The following CYP2J2 variants were observed in gnomAD, a reference collection of about 807,000 sequenced individuals.
The protein encoded by CYP2J2 is cytochrome P450 family 2 subfamily J member 2.
A neutral mutation model predicts 48.8 loss-of-function variants in CYP2J2; 41 were observed. The observed-to-expected ratio is 0.84, with a 90% confidence interval of 0.66 to 1.09. CYP2J2 has a LOEUF of 1.09. Ranked by LOEUF, CYP2J2 falls within the 50% of genes least tolerant of loss-of-function variation. CYP2J2 has a pLI of 0.00. For missense variants in CYP2J2, 644 were observed against 617.3 expected, an observed-to-expected ratio of 1.04 and a Z score of -0.46; for synonymous variants, 221 against 227.1, an observed-to-expected ratio of 0.97 and a Z score of 0.24.
chr1:59,895,249 T>C (rs1212899831), intron 8 of CYP2J2, among the ~76,000 whole-genome samples: 1 of 152,236 alleles, frequency 6.6e-6, no homozygotes, highest in Admixed American at 6.5e-5. Context: ...TCATGTCGCC[T>C]TAGTTCTTCA....
the CYP2J2 span, among the ~76,000 whole-genome samples, chr1:59,949,520 A>G: frequency 1.3e-5 from 2 of 152,148 alleles, no homozygotes; most frequent in African/African-American, 4.8e-5. Flanking sequence ...TTCCAAGTTC[A>G]TGGAGTTCAA....
chr1:59,939,670 T>A, the CYP2J2 span, among the ~76,000 whole-genome samples: 1 of 152,332 alleles, frequency 6.6e-6, no homozygotes, highest in South Asian at 2.1e-4. Context: ...AGGGGCCAAG[T>A]TCCTCTAAGC....
chr1:59,893,725 G>C lies in CYP2J2; in HGVS notation c.1435C>G (p.Leu479Val). 1 of 1,613,320 alleles carries C rather than the reference G, an allele frequency of 6.2e-7. No homozygotes were observed. Among genetic ancestry groups the C allele is most frequent in the South Asian group, 1.1e-5 (1 of 90,728 alleles). Residue 479 changes from leucine (L) to valine (V), a missense_variant, in exon 9 of 9, where the codon CTG (leucine) becomes GTG (valine). Leu to Val is a conservative substitution (Grantham distance 32). Coordinates refer to ENST00000371204, the MANE Select transcript of CYP2J2 (RefSeq NM_000775.4). ...ATACCCATTCTAAACTTCAGGCTCA[G>C]CTTCTCATTGTTTGGGGGCCTGAAG... ...FTFRPPNNEK[L>V]SLKFRMGITI... is the part of the protein sequence containing the mutation.
the CYP2J2 span, among the ~76,000 whole-genome samples, chr1:59,947,620 A>C: frequency 6.6e-6 from 1 of 152,168 alleles, no homozygotes; most frequent in Non-Finnish European, 1.5e-5. Context: ...TCCAGATCTA[A>C]GGCCATCGAT....
chr1:59,905,224 C>T (rs772656658), intron 6 of CYP2J2, among the ~76,000 whole-genome samples, 166 bp from the exon 7 acceptor site: 1 of 152,158 alleles, frequency 6.6e-6, no homozygotes, highest in Admixed American at 6.5e-5. Context: ...AAAACTACCA[C>T]CTCTGTAAAT....
rs1172502106 is a variant in CYP2J2 at position 59,912,225 on chromosome 1, T to A, written c.460A>T (p.Ser154Cys). The change falls in exon 3 of 9, where the codon AGC becomes TGC. Residue 154 changes from serine (S) to cysteine (C), a missense_variant. Ser to Cys is a moderately radical substitution (Grantham distance 112, BLOSUM62 -1). Transcript: ENST00000371204. ...TCCTCCTGAATGCGTTCCTCTAAGCTCTTCTTTCCTAAACCAAAGTTCCTT... is the reference window on the plus strand; with the variant it reads ...TCCTCCTGAATGCGTTCCTCTAAGCACTTCTTTCCTAAACCAAAGTTCCTT... ...ALRNFGLGKK[S>C]LEERIQEEAQ... 6.2e-7 allele frequency: 1 copy of A among 1,613,928 alleles called. No individual in the cohort carries two copies. Among genetic ancestry groups the A allele is most frequent in the Non-Finnish European group, 8.5e-7 (1 of 1,179,866 alleles).
At chr1:59,930,312 T>C (rs575961608), upstream of CYP2J2, among the ~76,000 whole-genome samples, 1 of 152,294 alleles carries the variant, frequency 6.6e-6, no homozygotes, top group South Asian at 2.1e-4. Flanking sequence ...TTCTTAATAT[T>C]TGTAGGAACT....
upstream of CYP2J2, chr1:59,926,832 C>T: frequency 3.9e-6 from 5 of 1,278,444 alleles, no homozygotes; most frequent in Non-Finnish European, 5.5e-6. Context: ...CGCTCCCAGC[C>T]GTGCCCCGCC....
the CYP2J2 span, among the ~76,000 whole-genome samples, chr1:59,953,402 GAA>G: frequency 6.6e-6 from 1 of 152,066 alleles, no homozygotes; most frequent in South Asian, 2.1e-4. Context: ...TTATTCTAGA[GAA>G]AAAGAGTAAA....
At chr1:59,955,783 C>A in the CYP2J2 span, among the ~76,000 whole-genome samples, 1 of 152,124 alleles carries the variant, frequency 6.6e-6, no homozygotes, top group Admixed American at 6.5e-5. Flanking sequence ...AGGGGGTTGG[C>A]TGTATTCTTC....
At chr1:59,937,600 C>A in the CYP2J2 span, among the ~76,000 whole-genome samples, 2 of 152,052 alleles carry the variant, frequency 1.3e-5, no homozygotes, top group Non-Finnish European at 2.9e-5. Flanking sequence ...GGATATTGAT[C>A]TCTTTCTCTA....
the CYP2J2 span, among the ~76,000 whole-genome samples, chr1:59,956,002 T>G: frequency 6.6e-6 from 1 of 152,154 alleles, no homozygotes; most frequent in Non-Finnish European, 1.5e-5. Flanking sequence ...CTCACTTGGC[T>G]TGTAAAGCTA....
chr1:59,912,966 A>C (rs1038123896), intron 2 of CYP2J2: 1 of 152,200 alleles, frequency 6.6e-6, no homozygotes, highest in African/African-American at 2.4e-5. Context: ...ACAGACCATC[A>C]TTTGTTTTAT....
At chr1:59,934,845 A>C in the CYP2J2 span, among the ~76,000 whole-genome samples, 5 of 151,352 alleles carry the variant, frequency 3.3e-5, no homozygotes, top group African/African-American at 1.2e-4. Flanking sequence ...GCAATCCCAC[A>C]TCTGGTTATA....
Position 59,909,922 on chromosome 1 carries a change from A to G in CYP2J2, c.723T>C (p.Pro241=), listed in dbSNP as rs1316409041. The change falls in exon 5 of 9, where the codon CCT becomes CCC. Residue 241 remains proline (P), a synonymous_variant. Transcript: ENST00000371204. ...NVFPWIMKFL[P]GPHQTLFSNW... Reference sequence around the variant, plus strand: ...TGCTGAAGAGAGTTTGGTGGGGTCCAGGCAGGAATTTCATTATCCATGGAA... The same window carrying G: ...TGCTGAAGAGAGTTTGGTGGGGTCCGGGCAGGAATTTCATTATCCATGGAA... 3.7e-6 allele frequency: 6 copies of G among 1,610,260 alleles called. No individual in the cohort carries two copies. Among genetic ancestry groups the G allele is most frequent in the South Asian group, 1.1e-5 (1 of 90,006 alleles).
chr1:59,928,824 T>G (rs1296615974), upstream of CYP2J2, among the ~76,000 whole-genome samples: 1 of 152,210 alleles, frequency 6.6e-6, no homozygotes, highest in Non-Finnish European at 1.5e-5. Context: ...AGGCTGGTAA[T>G]TCTATGAGAA....
intron 1 of CYP2J2, among the ~76,000 whole-genome samples, chr1:59,920,632 A>G (rs926378791): frequency 1.7e-4 from 26 of 152,090 alleles, no homozygotes; most frequent in African/African-American, 5.3e-4. Flanking sequence ...GAGTCTTAAT[A>G]TCAGGTATAA....
intron 4 of CYP2J2, among the ~76,000 whole-genome samples, chr1:59,910,213 T>G (rs1033771157): frequency 2.0e-5 from 3 of 152,210 alleles, no homozygotes; most frequent in Non-Finnish European, 4.4e-5. Context: ...ATGAGACATC[T>G]GGGGACATCT....
At chr1:59,959,603 CTATATATG>C in the CYP2J2 span, among the ~76,000 whole-genome samples, 1 of 150,826 alleles carries the variant, frequency 6.6e-6, no homozygotes, top group Non-Finnish European at 1.5e-5. Context: ...TATATATGTG[CTATATATG>C]TATATATGTG....
Sources: allele counts gnomAD v4.1 joint callset (sites outside exome capture counted in the v4.1 genomes callset), GRCh38; gene constraint gnomAD v4.1.1; transcripts MANE v1.5; gene names NCBI Gene and HGNC (gene_info 2026-07-23, HGNC 2026-07-21).